The following ADIPOR2 variants were observed in gnomAD, a reference collection of about 807,000 sequenced individuals.
The protein encoded by ADIPOR2 is adiponectin receptor 2.
ADIPOR2 carries 18 observed loss-of-function variants against 40.9 expected under a neutral mutation model. That is an observed-to-expected ratio of 0.44 (90% CI 0.30 to 0.65). ADIPOR2 has a LOEUF of 0.65. ADIPOR2 is among the 30% of genes least tolerant of loss of function. ADIPOR2 has a pLI of 0.09. For missense variants in ADIPOR2, 283 were observed against 479.2 expected, an observed-to-expected ratio of 0.59 and a Z score of 3.82; for synonymous variants, 165 against 166.4, an observed-to-expected ratio of 0.99 and a Z score of 0.06.
intron 1 of ADIPOR2, among the ~76,000 whole-genome samples, chr12:1,730,202 T>A (rs2094716927): frequency 6.6e-6 from 1 of 150,814 alleles, no homozygotes; most frequent in Admixed American, 6.6e-5. Context: ...ATAATTATAA[T>A]CACTATTAGG....
chr12:1,751,688 A>T (rs549692952), intron 1 of ADIPOR2, among the ~76,000 whole-genome samples: 22 of 150,320 alleles, frequency 1.5e-4, no homozygotes, highest in African/African-American at 5.1e-4. Flanking sequence ...CTAATTAAAA[A>T]AATTTTTTTT....
chr12:1,709,292 G>C (rs957278593), intron 1 of ADIPOR2, among the ~76,000 whole-genome samples: 2 of 152,064 alleles, frequency 1.3e-5, no homozygotes, highest in African/African-American at 4.8e-5. Context: ...GCAGTGTTTT[G>C]TAGTTTTCAG....
At chr12:1,703,397 T>C (rs989974626) in intron 1 of ADIPOR2, among the ~76,000 whole-genome samples, 1 of 152,210 alleles carries the variant, frequency 6.6e-6, no homozygotes, top group African/African-American at 2.4e-5. Flanking sequence ...TTTGTGTTGC[T>C]TTAATTTTTT....
At chr12:1,761,841 C>A (rs1862276160) in intron 2 of ADIPOR2, among the ~76,000 whole-genome samples, 2 of 152,218 alleles carry the variant, frequency 1.3e-5, no homozygotes, top group Admixed American at 6.5e-5. Flanking sequence ...CCAATATATT[C>A]TTCGCACAGT....
intron 1 of ADIPOR2, among the ~76,000 whole-genome samples, chr12:1,704,646 A>G (rs550388708): frequency 6.6e-6 from 1 of 152,178 alleles, no homozygotes; most frequent in Admixed American, 6.5e-5. Context: ...TTTAATTTTG[A>G]CTTTAGGGTA....
chr12:1,777,382 C>CT (rs59141974), intron 3 of ADIPOR2, among the ~76,000 whole-genome samples: 6,643 of 98,778 alleles, frequency 0.067, 383 homozygotes, highest in East Asian at 0.19. Context: ...TTTTTTCTTT[C>CT]TTTTTTTTTT....
chr12:1,712,556 C>G (rs544279238), intron 1 of ADIPOR2, among the ~76,000 whole-genome samples: 1 of 152,116 alleles, frequency 6.6e-6, no homozygotes, highest in Non-Finnish European at 1.5e-5. Context: ...CCTGCTCTCT[C>G]TCTGACGTAT....
chr12:1,762,186 T>G, intron 2 of ADIPOR2, among the ~76,000 whole-genome samples: 1 of 152,230 alleles, frequency 6.6e-6, no homozygotes, highest in Non-Finnish European at 1.5e-5. Flanking sequence ...AGTATTCAGG[T>G]TAAGTTCTCT....
At chr12:1,708,186 GTTT>G (rs34873246) in intron 1 of ADIPOR2, among the ~76,000 whole-genome samples, 1 of 145,030 alleles carries the variant, frequency 6.9e-6, no homozygotes, top group Non-Finnish European at 1.5e-5. Context: ...GCAAATATGG[GTTT>G]TTTTTTTTTT....
chr12:1,783,804 G>A, intron 6 of ADIPOR2, 76 bp from the exon 7 acceptor site: 15 of 1,203,460 alleles, frequency 1.2e-5, no homozygotes, highest in Non-Finnish European at 1.7e-5. Context: ...AGAGTTAATG[G>A]TGCTGTGCTG....
chr12:1,740,445 AT>A (rs1435969895), intron 1 of ADIPOR2, among the ~76,000 whole-genome samples: 4 of 152,160 alleles, frequency 2.6e-5, no homozygotes, highest in Non-Finnish European at 4.4e-5. Context: ...CTGGGCATGT[AT>A]TCCTCCCTGG....
chr12:1,700,266 A>AT (rs1304872039), intron 1 of ADIPOR2, among the ~76,000 whole-genome samples: 1 of 152,162 alleles, frequency 6.6e-6, no homozygotes, highest in Non-Finnish European at 1.5e-5. Flanking sequence ...ATATCAGCTG[A>AT]TTATTTTTCA....
intron 3 of ADIPOR2, among the ~76,000 whole-genome samples, chr12:1,777,440 G>A (rs1231932241): frequency 7.3e-6 from 1 of 136,808 alleles, no homozygotes. Flanking sequence ...AGGCTGGAGT[G>A]CAATGGCGTC....
At chr12:1,745,946 A>G (rs1006339673) in intron 1 of ADIPOR2, among the ~76,000 whole-genome samples, 10 of 151,888 alleles carry the variant, frequency 6.6e-5, no homozygotes, top group Non-Finnish European at 1.5e-4. Context: ...GATCCCTTGT[A>G]CCTGTAGTCC....
rs1236505962 is a variant in ADIPOR2 at position 1,739,958 on chromosome 12, CG to C, written c.-86-14297del. Among the ~76,000 whole-genome samples the C allele has an allele frequency of 7.4e-5, 11 of 147,776 alleles. No individual in the cohort carries two copies. In the East Asian group the frequency reaches 2.1e-3, roughly 29 times the overall value. ...TCTACTAAAAATACAAAAAATTAAC[CG>C]GGCGTGGTGGCACATGCCTGTAATC... On this transcript the variant is annotated intron_variant, in intron 1 of 7. Transcript: ENST00000357103.
intron 1 of ADIPOR2, among the ~76,000 whole-genome samples, chr12:1,728,956 CT>C (rs2094713753): frequency 1.1e-5 from 1 of 87,712 alleles, no homozygotes; most frequent in South Asian, 4.1e-4. Context: ...TAGTTCTGGA[CT>C]GTTTTTTTTT....
At chr12:1,739,484 T>C (rs774180699) in intron 1 of ADIPOR2, among the ~76,000 whole-genome samples, 11 of 152,218 alleles carry the variant, frequency 7.2e-5, no homozygotes, top group Non-Finnish European at 1.5e-4. Context: ...GGTGTTTACA[T>C]TTAAAAATAG....
intron 1 of ADIPOR2, among the ~76,000 whole-genome samples, chr12:1,703,719 G>GAATAAATA (rs140045963): frequency 1.1e-4 from 16 of 151,526 alleles, no homozygotes; most frequent in African/African-American, 1.7e-4. Context: ...TCTGTCTCAC[G>GAATAAATA]AATAAATAAA....
intron 1 of ADIPOR2, among the ~76,000 whole-genome samples, chr12:1,745,916 T>C (rs902074504): frequency 1.1e-4 from 17 of 152,106 alleles, no homozygotes; most frequent in Non-Finnish European, 2.1e-4. Flanking sequence ...ATAAAACATA[T>C]GTTACACGAA....
Sources: gnomAD v4.1 joint callset for allele counts (sites outside exome capture counted in the v4.1 genomes callset) on GRCh38, gnomAD v4.1.1 for gene constraint, MANE v1.5 for transcripts, NCBI Gene and HGNC (gene_info 2026-07-23, HGNC 2026-07-21) for gene names.